Variants in TSSK1B observed in about 807,000 individuals in gnomAD.
TSSK1B encodes testis-specific serine/threonine-protein kinase 1.
Under a neutral mutation model 4.0 loss-of-function variants are expected in TSSK1B, and 2 were observed. The ratio of observed to expected loss-of-function variants is 0.50; its 90% CI spans 0.20 to 1.57. The LOEUF (loss-of-function observed/expected upper bound fraction) is 1.57, where lower values mean the gene tolerates loss of function less well. Among genes scored for constraint, TSSK1B ranks in the 40% most tolerant of loss-of-function variants. TSSK1B has a pLI of 0.22. For missense variants in TSSK1B, 488 were observed against 495.1 expected (o/e 0.99, Z 0.14); for synonymous variants, 198 against 200.7 (o/e 0.99, Z 0.11).
In TSSK1B at chr5:113,434,934, C is replaced by A; in HGVS notation, c.-95G>T. On this transcript the variant is annotated 5_prime_UTR_variant, in exon 1 of 1. Coordinates refer to ENST00000390666, the MANE Select transcript of TSSK1B (RefSeq NM_032028.4). This position sits in a 1 kb window ranked among gnomAD's most constrained non-coding sequence, Gnocchi z 4.2. ...CTCATTTACATCCTGGATAGAGAGT[C>A]CTTTGGGCTGGCCAGGCCTGCTGTT... 3 of 1,475,264 alleles carry A rather than the reference C, an allele frequency of 2.0e-6. No individual in the cohort carries two copies. Among genetic ancestry groups the A allele is most frequent in the South Asian group, 1.4e-5 (1 of 72,812 alleles). 91.4% of individuals were successfully genotyped at this position (1,475,264 alleles called of 1,614,324 possible).
Position 113,434,081 on chromosome 5 carries a change from C to A in TSSK1B, c.759G>T (p.Leu253=). 6.2e-7 allele frequency: 1 copy of A among 1,614,194 alleles called. No individual in the cohort carries two copies. The highest frequency in any genetic ancestry group is 8.5e-7 in the Non-Finnish European group (1 of 1,180,004). The change falls in exon 1 of 1, where the codon CTG becomes CTT. Residue 253 remains leucine (L), a synonymous_variant. Coordinates refer to ENST00000390666, the MANE Select transcript of TSSK1B (RefSeq NM_032028.4). This position sits in a 1 kb window ranked among gnomAD's most constrained non-coding sequence, Gnocchi z 4.2. Reference sequence around the variant, plus strand: ...GGAGCCGCCGGTTGACGTCGGGCTGCAGCATGTGGTAGATGAGGTCCTTGC... The same window carrying A: ...GGAGCCGCCGGTTGACGTCGGGCTGAAGCATGTGGTAGATGAGGTCCTTGC... ...GECKDLIYHM[L]QPDVNRRLHI...
rs1770709555 is a variant in TSSK1B at position 113,433,047 on chromosome 5, A to T, written c.*689T>A. 6.6e-6 allele frequency: 1 copy of T among 152,218 alleles called. No homozygotes were observed. Among genetic ancestry groups the T allele is most frequent in the Non-Finnish European group, 1.5e-5 (1 of 68,112 alleles). The allele number at this position is 152,218 out of a possible 1,614,324, so 9.4% of individuals were successfully genotyped here. A position where few individuals can be genotyped will look rare whatever the true frequency, so the allele number is the denominator to read the frequency against. ...TCCAGTTGCCATGCTACTCCTGAGG[A>T]TCTAGGATAATACTGAAAGAAGCAC... On this transcript the variant is annotated 3_prime_UTR_variant, in exon 1 of 1. Coordinates refer to ENST00000390666, the MANE Select transcript of TSSK1B (RefSeq NM_032028.4).
In TSSK1B at chr5:113,434,761, T is replaced by C; in HGVS notation, c.79A>G (p.Lys27Glu). The change falls in exon 1 of 1, where the codon AAA becomes GAA. Residue 27 changes from lysine to glutamate, a missense_variant. By Grantham distance (56) the Lys-to-Glu change is moderately conservative. Transcript: ENST00000390666. This position sits in a 1 kb window ranked among gnomAD's most constrained non-coding sequence, Gnocchi z 4.2. ...NLGEGSYAKV[K>E]SAYSERLKFN... The stretch of plus-strand genomic sequence containing the variant: ...TTCAGGCGCTCAGAGTAAGCAGATT[T>C]TACTTTTGCATAGGAGCCCTCTCCT... 6.2e-7 allele frequency: 1 copy of C among 1,613,994 alleles called. No homozygotes were observed.
chr5:113,434,641 A>C lies in TSSK1B; in HGVS notation c.199T>G (p.Leu67Val), dbSNP rs1308999412. The C allele has an allele frequency of 1.2e-6, 2 of 1,613,960 alleles. No homozygotes were observed. The highest frequency in any genetic ancestry group is 1.7e-6 in the Non-Finnish European group (2 of 1,179,894). The part of the protein sequence containing the change: ...LPREIEILAM[L>V]NHCSIIKTYE... ...GTCTTAATGATGGAGCAGTGGTTTA[A>C]CATGGCCAGAATCTCAATTTCCCGG... is the stretch of plus-strand genomic sequence containing the variant. The change falls in exon 1 of 1, where the codon TTA becomes GTA. Residue 67 changes from leucine to valine, a missense_variant. Transcript: ENST00000390666. The surrounding 1 kb of genome is among the most constrained non-coding windows in gnomAD (Gnocchi z 4.2).
In TSSK1B at chr5:113,434,219, G is replaced by A. The variant is rs763281795; in HGVS notation, c.621C>T (p.Tyr207=). The part of the protein sequence containing the change: ...YDIWSLGVIL[Y]IMVCGSMPYD... ...AGGGCATGGAGCCGCAGACCATGAT[G>A]TAGAGGATCACGCCTAGGCTCCAGA... is the stretch of plus-strand genomic sequence containing the variant. Residue 207 remains tyrosine (Y), a synonymous_variant, in exon 1 of 1, where the codon TAC becomes TAT. Transcript: ENST00000390666. This position sits in a 1 kb window ranked among gnomAD's most constrained non-coding sequence, Gnocchi z 4.2. 3.1e-6 allele frequency: 5 copies of A among 1,614,128 alleles called. No individual in the cohort carries two copies. The highest frequency in any genetic ancestry group is 4.2e-6 in the Non-Finnish European group (5 of 1,179,972).
chr5:113,434,405 G>C lies in TSSK1B; in HGVS notation c.435C>G (p.Asp145Glu). 6.2e-7 allele frequency: 1 copy of C among 1,613,978 alleles called. No homozygotes were observed. Among genetic ancestry groups the C allele is most frequent in the Non-Finnish European group, 8.5e-7 (1 of 1,180,016 alleles). Reference protein sequence around the residue: ...RDLKCDNLLLDKDFNIKLSDF... With the variant: ...RDLKCDNLLLEKDFNIKLSDF... ...CGGACAGCTTGATGTTGAAGTCCTTGTCAAGGAGAAGGTTGTCACACTTGA... is the reference window on the plus strand; with the variant it reads ...CGGACAGCTTGATGTTGAAGTCCTTCTCAAGGAGAAGGTTGTCACACTTGA... The change falls in exon 1 of 1, where the codon GAC (aspartate) becomes GAG (glutamate). Residue 145 changes from aspartate (D) to glutamate (E), a missense_variant. Physicochemically the swap from Asp to Glu is conservative, Grantham distance 45. Coordinates refer to ENST00000390666, the MANE Select transcript of TSSK1B (RefSeq NM_032028.4). The surrounding 1 kb of genome is among the most constrained non-coding windows in gnomAD (Gnocchi z 4.2).
At position 113,432,943 on chromosome 5, in the gene TSSK1B, T is replaced by C. The variant is rs1211886041; in HGVS notation, c.*793A>G. ...CAAGGTTTGAACAGGAGAAAGCCAG[T>C]AGAGATAAGAAAAATCAAAACTGAA... is the stretch of plus-strand genomic sequence containing the variant. On this transcript the variant is annotated 3_prime_UTR_variant, in exon 1 of 1. Coordinates refer to ENST00000390666, the MANE Select transcript of TSSK1B (RefSeq NM_032028.4). 3 of 152,204 alleles carry C rather than the reference T, an allele frequency of 2.0e-5. No individual in the cohort carries two copies. The highest frequency in any genetic ancestry group is 3.8e-4 in the East Asian group (2 of 5,200). The allele number at this position is 152,204 out of a possible 1,614,324, so 9.4% of individuals were successfully genotyped here.
rs1770769098 is a variant in TSSK1B, at chr5:113,434,165, C to G, written c.675G>C (p.Leu225=). The G allele has an allele frequency of 1.2e-6, 2 of 1,614,192 alleles. No homozygotes were observed. Among genetic ancestry groups the G allele is most frequent in the Non-Finnish European group, 8.5e-7 (1 of 1,180,022 alleles). The part of the protein sequence containing the change: ...PYDDSNIKKM[L]RIQKEHRVNF... ...TGACGCGGTGCTCCTTCTGGATACG[C>G]AGCATCTTCTTGATGTTGGAGTCGT... is the stretch of plus-strand genomic sequence containing the variant. Residue 225 remains leucine, a synonymous_variant, in exon 1 of 1, where the codon CTG becomes CTC. Transcript: ENST00000390666. This position sits in a 1 kb window ranked among gnomAD's most constrained non-coding sequence, Gnocchi z 4.2.
Position 113,432,757 on chromosome 5 carries a change from A to G in TSSK1B, c.*979T>C, listed in dbSNP as rs891741887. The G allele has an allele frequency of 3.9e-5, 6 of 152,242 alleles. No individual in the cohort carries two copies. The highest frequency in any genetic ancestry group is 4.4e-5 in the Non-Finnish European group (3 of 68,042). The allele number at this position is 152,242 out of a possible 1,614,324, so 9.4% of individuals were successfully genotyped here. The stretch of plus-strand genomic sequence containing the variant: ...TTAGCATTTAAATAAAAAGTTGATA[A>G]GGAAAAAATAAAAATAAAACATTTT... On this transcript the variant is annotated 3_prime_UTR_variant, in exon 1 of 1. Transcript: ENST00000390666.
In TSSK1B at chr5:113,433,423, G is replaced by A; in HGVS notation, c.*313C>T. On this transcript the variant is annotated 3_prime_UTR_variant, in exon 1 of 1. Transcript: ENST00000390666. ...CCTTCCTGCTGCTCTTCCTGCTCTT[G>A]CTGTCACTGAGCCGTTGCGGCCAGT... The A allele has an allele frequency of 1.7e-6, 1 of 587,762 alleles. No individual in the cohort carries two copies. The highest frequency in any genetic ancestry group is 3.2e-6 in the Non-Finnish European group (1 of 314,006). 36.4% of individuals were successfully genotyped at this position (587,762 alleles called of 1,614,324 possible).
In TSSK1B at chr5:113,433,567, G is replaced by A; in HGVS notation, c.*169C>T. 1.2e-6 allele frequency: 1 copy of A among 854,668 alleles called. No individual in the cohort carries two copies. The allele number at this position is 854,668 out of a possible 1,614,324, so 52.9% of individuals were successfully genotyped here. ...TTTGACTTTGGCCTCATCCACCTAGGGGCCACGGGAGAACCATGTGGGTTA... is the reference window on the plus strand; with the variant it reads ...TTTGACTTTGGCCTCATCCACCTAGAGGCCACGGGAGAACCATGTGGGTTA... On this transcript the variant is annotated 3_prime_UTR_variant, in exon 1 of 1. Coordinates refer to ENST00000390666, the MANE Select transcript of TSSK1B (RefSeq NM_032028.4).
At position 113,433,772 on chromosome 5, in the gene TSSK1B, C is replaced by G. The variant is rs192198028; in HGVS notation, c.1068G>C (p.Gly356=). 1.9e-6 allele frequency: 3 copies of G among 1,613,818 alleles called. No individual in the cohort carries two copies. The highest frequency in any genetic ancestry group is 2.2e-5 in the South Asian group (2 of 91,018). ...SKPSTMETEE[G]PPQQPPETRA... ...GCGTCTCTGGAGGCTGTTGGGGGGGCCCTTCCTCTGTCTCCATAGTCGACG... is the reference window on the plus strand; with the variant it reads ...GCGTCTCTGGAGGCTGTTGGGGGGGGCCTTCCTCTGTCTCCATAGTCGACG... Residue 356 remains glycine, a synonymous_variant, in exon 1 of 1, where the codon GGG becomes GGC. Coordinates refer to ENST00000390666, the MANE Select transcript of TSSK1B (RefSeq NM_032028.4).
In TSSK1B at chr5:113,434,161, T is replaced by A; in HGVS notation, c.679A>T (p.Ile227Phe). The A allele has an allele frequency of 3.7e-6, 6 of 1,614,198 alleles. No individual in the cohort carries two copies. The highest frequency in any genetic ancestry group is 5.1e-6 in the Non-Finnish European group (6 of 1,180,026). ...DDSNIKKMLR[I>F]QKEHRVNFPR... The stretch of plus-strand genomic sequence containing the variant: ...AAGTTGACGCGGTGCTCCTTCTGGA[T>A]ACGCAGCATCTTCTTGATGTTGGAG... The change falls in exon 1 of 1, where the codon ATC becomes TTC. Residue 227 changes from isoleucine (I) to phenylalanine (F), a missense_variant. Coordinates refer to ENST00000390666, the MANE Select transcript of TSSK1B (RefSeq NM_032028.4). The surrounding 1 kb of genome is among the most constrained non-coding windows in gnomAD (Gnocchi z 4.2).
At position 113,434,408 on chromosome 5, in the gene TSSK1B, A is replaced by G; in HGVS notation, c.432T>C (p.Leu144=). The change falls in exon 1 of 1, where the codon CTT becomes CTC. Residue 144 remains leucine, a synonymous_variant. Coordinates refer to ENST00000390666, the MANE Select transcript of TSSK1B (RefSeq NM_032028.4). The surrounding 1 kb of genome is among the most constrained non-coding windows in gnomAD (Gnocchi z 4.2). Reference sequence around the variant, plus strand: ...ACAGCTTGATGTTGAAGTCCTTGTCAAGGAGAAGGTTGTCACACTTGAGGT... The same window carrying G: ...ACAGCTTGATGTTGAAGTCCTTGTCGAGGAGAAGGTTGTCACACTTGAGGT... The part of the protein sequence containing the change: ...HRDLKCDNLL[L]DKDFNIKLSD... 1 of 1,613,876 alleles carries G rather than the reference A, an allele frequency of 6.2e-7. No homozygotes were observed. Among genetic ancestry groups the G allele is most frequent in the South Asian group, 1.1e-5 (1 of 91,036 alleles).
Position 113,434,803 on chromosome 5 carries a change from G to T in TSSK1B, c.37C>A (p.Leu13Ile). Residue 13 changes from leucine to isoleucine, a missense_variant, in exon 1 of 1, where the codon CTC becomes ATC. Leu to Ile is a conservative substitution (Grantham distance 5, BLOSUM62 2). Coordinates refer to ENST00000390666, the MANE Select transcript of TSSK1B (RefSeq NM_032028.4). The surrounding 1 kb of genome is among the most constrained non-coding windows in gnomAD (Gnocchi z 4.2). ...DAAVLKRRGY[L>I]LGINLGEGSY... ...CCCTCTCCTAAATTTATCCCCAGGAGGTAGCCTCGTCGCTTGAGGACAGCA... is the reference window on the plus strand; with the variant it reads ...CCCTCTCCTAAATTTATCCCCAGGATGTAGCCTCGTCGCTTGAGGACAGCA... 6.2e-7 allele frequency: 1 copy of T among 1,612,608 alleles called. No individual in the cohort carries two copies. The highest frequency in any genetic ancestry group is 1.1e-5 in the South Asian group (1 of 91,066).
Position 113,433,229 on chromosome 5 carries a change from C to T in TSSK1B, c.*507G>A, listed in dbSNP as rs1439929155. On this transcript the variant is annotated 3_prime_UTR_variant, in exon 1 of 1. Coordinates refer to ENST00000390666, the MANE Select transcript of TSSK1B (RefSeq NM_032028.4). Reference sequence around the variant, plus strand: ...GCGAGCCCGTGGCCCAGCCGAAGCTCTTTCCCGCCGCCTCTCCGCGCCTCG... The same window carrying T: ...GCGAGCCCGTGGCCCAGCCGAAGCTTTTTCCCGCCGCCTCTCCGCGCCTCG... The T allele has an allele frequency of 5.5e-6, 1 of 182,552 alleles. No individual in the cohort carries two copies. The highest frequency in any genetic ancestry group is 1.2e-5 in the Non-Finnish European group (1 of 86,430). 11.3% of individuals were successfully genotyped at this position (182,552 alleles called of 1,614,324 possible). A position where few individuals can be genotyped will look rare whatever the true frequency, so the allele number is the denominator to read the frequency against.
In TSSK1B at chr5:113,434,192, G is replaced by A. The variant is rs749111387; in HGVS notation, c.648C>T (p.Tyr216=). The change falls in exon 1 of 1, where the codon TAC becomes TAT. Residue 216 remains tyrosine, a synonymous_variant. Coordinates refer to ENST00000390666, the MANE Select transcript of TSSK1B (RefSeq NM_032028.4). This position sits in a 1 kb window ranked among gnomAD's most constrained non-coding sequence, Gnocchi z 4.2. ...LYIMVCGSMP[Y]DDSNIKKMLR... ...GCATCTTCTTGATGTTGGAGTCGTCGTAGGGCATGGAGCCGCAGACCATGA... is the reference window on the plus strand; with the variant it reads ...GCATCTTCTTGATGTTGGAGTCGTCATAGGGCATGGAGCCGCAGACCATGA... The A allele has an allele frequency of 1.4e-5, 23 of 1,614,150 alleles. No individual in the cohort carries two copies. The highest frequency in any genetic ancestry group is 8.3e-5 in the Admixed American group (5 of 60,032).
rs1044514207 is a variant in TSSK1B, at chr5:113,432,717, T to C, written c.*1019A>G. On this transcript the variant is annotated 3_prime_UTR_variant, in exon 1 of 1. Transcript: ENST00000390666. Reference sequence around the variant, plus strand: ...TTTCCAGTATTAGCTGATTCGTTTGTCCATTAATTGGATATTAGCATTTAA... The same window carrying C: ...TTTCCAGTATTAGCTGATTCGTTTGCCCATTAATTGGATATTAGCATTTAA... 23 of 152,220 alleles carry C rather than the reference T, an allele frequency of 1.5e-4. No individual in the cohort carries two copies. Among genetic ancestry groups the C allele is most frequent in the African/African-American group, 5.1e-4 (21 of 41,444 alleles). 9.4% of individuals were successfully genotyped at this position (152,220 alleles called of 1,614,324 possible). A position where few individuals can be genotyped will look rare whatever the true frequency, so the allele number is the denominator to read the frequency against.
Position 113,434,597 on chromosome 5 carries a change from T to A in TSSK1B, c.243A>T (p.Thr81=), listed in dbSNP as rs768566500. The A allele has an allele frequency of 4.3e-6, 7 of 1,613,890 alleles. No homozygotes were observed. Among genetic ancestry groups the A allele is most frequent in the Middle Eastern group, 1.6e-4 (1 of 6,062 alleles). Residue 81 remains threonine, a synonymous_variant, in exon 1 of 1, where the codon ACA becomes ACT. Coordinates refer to ENST00000390666, the MANE Select transcript of TSSK1B (RefSeq NM_032028.4). The surrounding 1 kb of genome is among the most constrained non-coding windows in gnomAD (Gnocchi z 4.2). The part of the protein sequence containing the change: ...SIIKTYEIFE[T]SHGKVYIVME... ...TGACGATGTAGACCTTGCCATGTGA[T>A]GTCTCAAAGATCTCGTAGGTCTTAA...
Sources: gnomAD v4.1 joint callset for allele counts on GRCh38, gnomAD v4.1.1 for gene constraint, Gnocchi (gnomAD v3.1) non-coding constraint, MANE v1.5 for transcripts, NCBI Gene and HGNC (gene_info 2026-07-23, HGNC 2026-07-21) for gene names.